The following ACOT6 variants were observed in gnomAD, a reference collection of about 807,000 sequenced individuals.
ACOT6 encodes the protein acyl-coenzyme A thioesterase 6.
Under a neutral mutation model 12.3 loss-of-function variants are expected in ACOT6, and 14 were observed. The ratio of observed to expected loss-of-function variants is 1.14; its 90% CI spans 0.75 to 1.78. The LOEUF is 1.78. Among genes scored for constraint, ACOT6 ranks in the 40% most tolerant of loss-of-function variants. The probability of loss-of-function intolerance (pLI) is 0.00; values close to 1 mark genes in which losing one functional copy is unlikely to be tolerated. For missense variants in ACOT6, 523 were observed against 551.8 expected (o/e 0.95, Z 0.52); for synonymous variants, 218 against 231.3 (o/e 0.94, Z 0.52).
Position 73,619,432 on chromosome 14 carries a change from T to A in ACOT6, c.859T>A (p.Ser287Thr). The A allele has an allele frequency of 6.2e-7, 1 of 1,614,186 alleles. No homozygotes were observed. Among genetic ancestry groups the A allele is most frequent in the Non-Finnish European group, 8.5e-7 (1 of 1,180,026 alleles). The stretch of plus-strand genomic sequence containing the variant: ...TCTAGGAAAAGTAAAAATCACTAAG[T>A]CAGGATTTCTCACTTTTATGGACAC... ...DDLGKVKITK[S>T]GFLTFMDTWS... Residue 287 changes from serine (S) to threonine (T), a missense_variant, in exon 3 of 3, where the codon TCA becomes ACA. Coordinates refer to ENST00000645972, the MANE Select transcript of ACOT6 (RefSeq NM_001365788.1).
chr14:73,615,348 C>T lies in ACOT6; in HGVS notation c.462-1646C>T, dbSNP rs376992162. On this transcript the variant is annotated intron_variant, in intron 1 of 2. Transcript: ENST00000645972. ...GTTGCAGTGAGCCAAAATCACACCACATCACTCCAGCCTGGGCAACAGAGA... is the reference window on the plus strand; with the variant it reads ...GTTGCAGTGAGCCAAAATCACACCATATCACTCCAGCCTGGGCAACAGAGA... Among the ~76,000 whole-genome samples, 17 of 134,940 alleles carry T rather than the reference C, an allele frequency of 1.3e-4. No homozygotes were observed. In the East Asian group the frequency reaches 3.8e-3, roughly 30 times the overall value. The allele number at this position is 134,940 out of a possible 152,430, so 88.5% of individuals were successfully genotyped here.
intron 1 of ACOT6, 53 bp downstream of exon 1, chr14:73,613,085 T>C (rs1890477794): frequency 1.8e-6 from 1 of 548,068 alleles, no homozygotes; most frequent in African/African-American, 2.0e-5. Flanking sequence ...GCCCCTTTCC[T>C]GTCCTGGGAA....
At chr14:73,619,158 G>A in intron 2 of ACOT6, 76 bp from the exon 3 acceptor site, 1 of 1,481,518 alleles carries the variant, frequency 6.7e-7, no homozygotes, top group Non-Finnish European at 9.0e-7. Flanking sequence ...AAAGCTACTT[G>A]GAGAATGTAA....
At chr14:73,611,901 G>A (rs1890449622), upstream of ACOT6, among the ~76,000 whole-genome samples, 4 of 152,024 alleles carry the variant, frequency 2.6e-5, 1 homozygote, top group South Asian at 8.3e-4. Context: ...TTCTCCAAGG[G>A]GTCACCTGAG....
Position 73,612,803 on chromosome 14 carries a change from A to G in ACOT6, c.232A>G (p.Met78Val), listed in dbSNP as rs1190625068. Residue 78 changes from methionine (M) to valine (V), a missense_variant, in exon 1 of 3, where the codon ATG becomes GTG. Transcript: ENST00000645972. ...LGGSFAGLQP[M>V]GLLWALEPEK... ...AGGCAGCTTCGCGGGGCTCCAGCCC[A>G]TGGGGCTGCTGTGGGCGTTGGAGCC... 8.6e-6 allele frequency: 12 copies of G among 1,402,358 alleles called. No homozygotes were observed. In the Admixed American group the frequency reaches 9.2e-5, roughly 11 times the overall value. The allele number at this position is 1,402,358 out of a possible 1,614,324, so 86.9% of individuals were successfully genotyped here.
At chr14:73,612,029 G>A (rs1346229259), upstream of ACOT6, among the ~76,000 whole-genome samples, 2 of 151,790 alleles carry the variant, frequency 1.3e-5, no homozygotes, top group African/African-American at 2.4e-5. Flanking sequence ...TGGATTGCAG[G>A]AATAGTCATT....
chr14:73,615,718 A>G (rs1213652532), intron 1 of ACOT6, among the ~76,000 whole-genome samples: 1 of 151,564 alleles, frequency 6.6e-6, no homozygotes, highest in African/African-American at 2.4e-5. Flanking sequence ...GGGCAACAAG[A>G]GTGAAACCTT....
Position 73,612,819 on chromosome 14 carries a change from C to T in ACOT6, c.248C>T (p.Ala83Val). The T allele has an allele frequency of 7.0e-7, 1 of 1,420,898 alleles. No homozygotes were observed. The allele number at this position is 1,420,898 out of a possible 1,614,324, so 88.0% of individuals were successfully genotyped here. A position where few individuals can be genotyped will look rare whatever the true frequency, so the allele number is the denominator to read the frequency against. The change falls in exon 1 of 3, where the codon GCG (alanine) becomes GTG (valine). Residue 83 changes from alanine to valine, a missense_variant. Around this residue, in one of 2 missense-constraint regions of ACOT6, gnomAD observed 304 missense variants for 274.8 expected, o/e 1.11. Coordinates refer to ENST00000645972, the MANE Select transcript of ACOT6 (RefSeq NM_001365788.1). Reference protein sequence around the residue: ...AGLQPMGLLWALEPEKALVRL... With the variant: ...AGLQPMGLLWVLEPEKALVRL... ...CTCCAGCCCATGGGGCTGCTGTGGGCGTTGGAGCCCGAGAAAGCCTTGGTG... is the reference window on the plus strand; with the variant it reads ...CTCCAGCCCATGGGGCTGCTGTGGGTGTTGGAGCCCGAGAAAGCCTTGGTG...
chr14:73,618,347 A>G (rs1030129975), intron 2 of ACOT6, among the ~76,000 whole-genome samples: 1 of 146,224 alleles, frequency 6.8e-6, no homozygotes, highest in African/African-American at 2.8e-5. Context: ...AACAGCTCTG[A>G]TCCTGCTTCC....
In ACOT6 at chr14:73,615,088, CAAA is replaced by C. The variant is rs34563327; in HGVS notation, c.462-1897_462-1895del. Among the ~76,000 whole-genome samples the C allele has an allele frequency of 2.5e-4, 35 of 141,436 alleles. 1 individual carries two copies. Among genetic ancestry groups the C allele is most frequent in the Non-Finnish European group, 9.2e-5 (6 of 65,088 alleles). The allele number at this position is 141,436 out of a possible 152,430, so 92.8% of individuals were successfully genotyped here. On this transcript the variant is annotated intron_variant, in intron 1 of 2. Coordinates refer to ENST00000645972, the MANE Select transcript of ACOT6 (RefSeq NM_001365788.1). The stretch of plus-strand genomic sequence containing the variant: ...TGGAGGACAGAGCAAGACTCCATCT[CAAA>C]AAAAAAAACAAGGCGGCCAGGCGCG...
At chr14:73,612,425 C>T, upstream of ACOT6, 1 of 485,484 alleles carries the variant, frequency 2.1e-6, no homozygotes, top group Non-Finnish European at 3.3e-6. Context: ...GCGCCCCACG[C>T]AGCGGCCTGG....
intron 1 of ACOT6, among the ~76,000 whole-genome samples, chr14:73,615,415 C>A (rs58566789): frequency 0.22 from 11,777 of 53,876 alleles, 2,075 homozygotes; most frequent in East Asian, 0.5. Flanking sequence ...AAACAAAAAA[C>A]AAAAAAAACC....
chr14:73,612,414 G>A (rs1449424875), upstream of ACOT6: 1 of 457,520 alleles, frequency 2.2e-6, no homozygotes, highest in African/African-American at 2.0e-5. Flanking sequence ...ACAAATTCTA[G>A]GCGCCCCACG....
At position 73,619,451 on chromosome 14, in the gene ACOT6, T is replaced by C. The variant is rs1890594191; in HGVS notation, c.878T>C (p.Met293Thr). Residue 293 changes from methionine (M) to threonine (T), a missense_variant, in exon 3 of 3, where the codon ATG (methionine) becomes ACG (threonine). Around this residue, in one of 2 missense-constraint regions of ACOT6, gnomAD observed 219 missense variants for 277.0 expected, o/e 0.79. Coordinates refer to ENST00000645972, the MANE Select transcript of ACOT6 (RefSeq NM_001365788.1). ...ACTAAGTCAGGATTTCTCACTTTTA[T>C]GGACACTTGGAGCAATCCACTGGAG... ...KITKSGFLTF[M>T]DTWSNPLEEH... The C allele has an allele frequency of 6.2e-7, 1 of 1,614,250 alleles. No individual in the cohort carries two copies. The highest frequency in any genetic ancestry group is 1.1e-5 in the South Asian group (1 of 91,090).
Position 73,612,644 on chromosome 14 carries a change from G to A in ACOT6, c.73G>A (p.Gly25Ser), listed in dbSNP as rs1169277847. 4.3e-6 allele frequency: 6 copies of A among 1,402,594 alleles called. No homozygotes were observed. The African/African-American group carries it at 6.0e-5, about 14-fold the overall frequency. The allele number at this position is 1,402,594 out of a possible 1,614,324, so 86.9% of individuals were successfully genotyped here. Residue 25 changes from glycine to serine, a missense_variant, in exon 1 of 3, where the codon GGC (glycine) becomes AGC (serine). Gly to Ser is a moderately conservative substitution (Grantham distance 56, BLOSUM62 0). Around this residue, in one of 2 missense-constraint regions of ACOT6, gnomAD observed 304 missense variants for 274.8 expected, o/e 1.11. Transcript: ENST00000645972. ...CGAGCCGCTGCGCATCGCAGTGCGCGGCCTGGCCCCGGAGCAGCCAGTCAC... is the reference window on the plus strand; with the variant it reads ...CGAGCCGCTGCGCATCGCAGTGCGCAGCCTGGCCCCGGAGCAGCCAGTCAC... ...WDEPLRIAVR[G>S]LAPEQPVTLR...
At chr14:73,618,730 AAATATTAGGG>A (rs1452877951) in intron 2 of ACOT6, among the ~76,000 whole-genome samples, 2 of 152,202 alleles carry the variant, frequency 1.3e-5, no homozygotes, top group African/African-American at 4.8e-5. Context: ...CAGTCCTCAT[AAATATTAGGG>A]GATGACCCAT....
chr14:73,619,443 C>T lies in ACOT6; in HGVS notation c.870C>T (p.Leu290=). 3 of 1,614,218 alleles carry T rather than the reference C, an allele frequency of 1.9e-6. No homozygotes were observed. The highest frequency in any genetic ancestry group is 2.5e-6 in the Non-Finnish European group (3 of 1,180,038). Reference sequence around the variant, plus strand: ...TAAAAATCACTAAGTCAGGATTTCTCACTTTTATGGACACTTGGAGCAATC... The same window carrying T: ...TAAAAATCACTAAGTCAGGATTTCTTACTTTTATGGACACTTGGAGCAATC... The part of the protein sequence containing the change: ...GKVKITKSGF[L]TFMDTWSNPL... Residue 290 remains leucine, a synonymous_variant, in exon 3 of 3, where the codon CTC becomes CTT. Transcript: ENST00000645972.
In ACOT6 at chr14:73,612,696, A is replaced by C; in HGVS notation, c.125A>C (p.Glu42Ala). ...CTGCGCACGTCCCTGCGCGACGAAG[A>C]GGGCGCGCTCTTCCGGGCCCACGCG... Reference protein sequence around the residue: ...VTLRTSLRDEEGALFRAHARY... With the variant: ...VTLRTSLRDEAGALFRAHARY... Residue 42 changes from glutamate (E) to alanine (A), a missense_variant, in exon 1 of 3, where the codon GAG becomes GCG. Physicochemically the swap from Glu to Ala is moderately radical, Grantham distance 107. This residue lies in a region of ACOT6 where 304 missense variants were observed against 274.8 expected (regional missense o/e 1.11). Transcript: ENST00000645972. The C allele has an allele frequency of 1.4e-6, 2 of 1,402,618 alleles. No homozygotes were observed. Among genetic ancestry groups the C allele is most frequent in the Non-Finnish European group, 1.8e-6 (2 of 1,083,904 alleles). The allele number at this position is 1,402,618 out of a possible 1,614,324, so 86.9% of individuals were successfully genotyped here. A position where few individuals can be genotyped will look rare whatever the true frequency, so the allele number is the denominator to read the frequency against.
chr14:73,613,518 T>A (rs1336411269), intron 1 of ACOT6, among the ~76,000 whole-genome samples: 1 of 152,100 alleles, frequency 6.6e-6, no homozygotes, highest in East Asian at 1.9e-4. Flanking sequence ...TTTAATTGTT[T>A]AAAAACACAC....
Sources: gnomAD v4.1 joint callset for allele counts (sites outside exome capture counted in the v4.1 genomes callset) on GRCh38, gnomAD v4.1.1 for gene constraint, gnomAD v4.1.1 regional missense constraint, MANE v1.5 for transcripts, NCBI Gene and HGNC (gene_info 2026-07-23, HGNC 2026-07-21) for gene names.